Variants in RIMS2 observed in about 807,000 individuals in gnomAD.
RIMS2 encodes the protein regulating synaptic membrane exocytosis protein 2.
A neutral mutation model predicts 174.4 loss-of-function variants in RIMS2; 59 were observed. The ratio of observed to expected loss-of-function variants is 0.34; its 90% CI spans 0.27 to 0.42. The LOEUF (loss-of-function observed/expected upper bound fraction) is 0.42, where lower values mean the gene tolerates loss of function less well. Ranked by LOEUF, RIMS2 falls within the 10% of genes least tolerant of loss-of-function variation. The probability of loss-of-function intolerance (pLI) is 1.00; values close to 1 mark genes in which losing one functional copy is unlikely to be tolerated. For synonymous variants in RIMS2, 606 were observed against 572.5 expected (o/e 1.06, Z -0.84); for missense variants, 1,620 against 1,666.3 (o/e 0.97, Z 0.48).
At chr8:104,070,313 T>G (rs1315013827) in intron 19 of RIMS2, among the ~76,000 whole-genome samples, 1 of 152,196 alleles carries the variant, frequency 6.6e-6, no homozygotes, top group Admixed American at 6.5e-5. Context: ...ATACTGGAAA[T>G]GTCACAGGCC....
chr8:103,688,546 A>G (rs1042243730), intron 1 of RIMS2, among the ~76,000 whole-genome samples: 2 of 152,060 alleles, frequency 1.3e-5, no homozygotes, highest in Non-Finnish European at 2.9e-5. Context: ...ATGTTCATCA[A>G]GAATATTGGC....
intron 2 of RIMS2, among the ~76,000 whole-genome samples, chr8:103,752,028 G>C (rs71520848): frequency 0.23 from 34,892 of 152,034 alleles, 4,286 homozygotes; most frequent in Non-Finnish European, 0.25. Flanking sequence ...CCTTGCCCAT[G>C]CCTGTGTCCT....
intron 2 of RIMS2, among the ~76,000 whole-genome samples, chr8:103,762,686 AT>A (rs978402017): frequency 6.6e-6 from 1 of 152,142 alleles, no homozygotes; most frequent in African/African-American, 2.4e-5. Context: ...CTGTACTACA[AT>A]TGTGTTGCTA....
intron 19 of RIMS2, among the ~76,000 whole-genome samples, chr8:104,021,766 C>T (rs1357837323): frequency 6.6e-6 from 1 of 152,122 alleles, no homozygotes; most frequent in Non-Finnish European, 1.5e-5. Flanking sequence ...TTCCTGCCTC[C>T]CGCACAGACA....
chr8:103,527,600 C>T (rs537866904), intron 1 of RIMS2, among the ~76,000 whole-genome samples: 21 of 151,580 alleles, frequency 1.4e-4, no homozygotes, highest in African/African-American at 4.4e-4. Context: ...TCCAAGTGTT[C>T]TCGTTGTTCA....
chr8:103,647,895 G>GTT (rs1491274748), intron 1 of RIMS2, among the ~76,000 whole-genome samples: 1 of 113,684 alleles, frequency 8.8e-6, no homozygotes, highest in African/African-American at 3.7e-5. Flanking sequence ...ATTTTTTTTT[G>GTT]ATTTTTTTTT....
chr8:103,870,127 G>A (rs1187555517), intron 3 of RIMS2, among the ~76,000 whole-genome samples: 1 of 95,292 alleles, frequency 1.0e-5, no homozygotes, highest in Non-Finnish European at 2.1e-5. Context: ...ATAGCTATAA[G>A]GACAGCTGTT....
intron 19 of RIMS2, among the ~76,000 whole-genome samples, chr8:104,155,357 C>T (rs1464371108): frequency 4.0e-5 from 6 of 150,560 alleles, no homozygotes; most frequent in South Asian, 2.1e-4. Context: ...CTGCCCGCCT[C>T]GGCCTCCCAA....
chr8:104,133,601 T>C (rs1040650763), intron 19 of RIMS2, among the ~76,000 whole-genome samples: 2 of 152,128 alleles, frequency 1.3e-5, no homozygotes, highest in Non-Finnish European at 2.9e-5. Context: ...TTTAGAAAAA[T>C]CAAGTGGCTT....
At chr8:103,945,805 AC>A in intron 14 of RIMS2, among the ~76,000 whole-genome samples, 1 of 152,188 alleles carries the variant, frequency 6.6e-6, no homozygotes, top group Admixed American at 6.5e-5. Flanking sequence ...CTAGAAGAGA[AC>A]CCTCCACAAA....
rs189185847 is a variant in RIMS2, at chr8:103,720,481, A to T, written c.387+23185A>T. Among the ~76,000 whole-genome samples, 392 of 152,300 alleles carry T rather than the reference A, an allele frequency of 2.6e-3. 1 individual carries two copies. Among genetic ancestry groups the T allele is most frequent in the South Asian group, 5.2e-3 (25 of 4,830 alleles). On this transcript the variant is annotated intron_variant, in intron 2 of 23. Transcript: ENST00000504942. ...TTAATTTATTTGCATTTGCACTTCT[A>T]TTTATTAATACAGTAAGATGTAAAT... is the stretch of plus-strand genomic sequence containing the variant.
chr8:103,749,323 A>G (rs1038275158), intron 2 of RIMS2, among the ~76,000 whole-genome samples: 1 of 148,478 alleles, frequency 6.7e-6, no homozygotes, highest in African/African-American at 2.5e-5. Flanking sequence ...CATGTTCTCC[A>G]GGATGGTCTC....
At chr8:104,155,665 G>C (rs1039741356) in intron 19 of RIMS2, among the ~76,000 whole-genome samples, 1 of 151,686 alleles carries the variant, frequency 6.6e-6, no homozygotes, top group Admixed American at 6.6e-5. Flanking sequence ...CACCCGCCTC[G>C]GCCTCCCAAA....
rs140379053 is a variant in RIMS2, at chr8:104,244,406, A to C, written c.3335-510A>C. 2.3e-4 allele frequency among the ~76,000 whole-genome samples: 35 copies of C among 152,270 alleles called. No individual in the cohort carries two copies. The East Asian group carries it at 6.6e-3, about 29-fold the overall frequency. ...CTTCTAATATCTATCACCCTACAAA[A>C]ACAGACTTTCCTATAAAAGTTAAGA... On this transcript the variant is annotated intron_variant, in intron 19 of 23. Transcript: ENST00000504942.
Position 103,640,054 on chromosome 8 carries a change from G to T in RIMS2, c.177-57032G>T, listed in dbSNP as rs894921165. 3.3e-5 allele frequency among the ~76,000 whole-genome samples: 5 copies of T among 151,878 alleles called. No individual in the cohort carries two copies. The East Asian group carries it at 7.7e-4, about 23-fold the overall frequency. ...AGTTTTCCTTTTATAGATTTGGTAT[G>T]TATTTGTTTGGTTTATGTATGATTC... On this transcript the variant is annotated intron_variant, in intron 1 of 23. Transcript: ENST00000504942.
intron 1 of RIMS2, among the ~76,000 whole-genome samples, chr8:103,604,556 G>A (rs1185755659): frequency 6.6e-6 from 1 of 151,704 alleles, no homozygotes; most frequent in Non-Finnish European, 1.5e-5. Context: ...GTAGCTTGAT[G>A]GGGATGGCAT....
chr8:104,208,782 C>T (rs1182565441), intron 19 of RIMS2, among the ~76,000 whole-genome samples: 4 of 152,082 alleles, frequency 2.6e-5, no homozygotes, highest in Non-Finnish European at 5.9e-5. Flanking sequence ...AAAACTGAGG[C>T]TTGAAAAACC....
chr8:104,176,844 TATAA>T (rs1391207595), intron 19 of RIMS2, among the ~76,000 whole-genome samples: 1 of 152,072 alleles, frequency 6.6e-6, no homozygotes, highest in Non-Finnish European at 1.5e-5. Flanking sequence ...ATCTGAAGGA[TATAA>T]ACAGCACATG....
At chr8:103,548,073 A>C (rs910091288) in intron 1 of RIMS2, among the ~76,000 whole-genome samples, 46 of 152,178 alleles carry the variant, frequency 3.0e-4, no homozygotes, top group African/African-American at 1.0e-3. Context: ...GTTGGATTCT[A>C]TCAGATTTAT....
Sources: allele counts gnomAD v4.1 joint callset (sites outside exome capture counted in the v4.1 genomes callset), GRCh38; gene constraint gnomAD v4.1.1; transcripts MANE v1.5; gene names NCBI Gene and HGNC (gene_info 2026-07-23, HGNC 2026-07-21).